The following ZFC3H1 variants were observed in gnomAD, a reference collection of about 807,000 sequenced individuals.
The protein encoded by ZFC3H1 is zinc finger C3H1 domain-containing protein.
ZFC3H1 carries 71 observed loss-of-function variants against 243.7 expected under a neutral mutation model. The ratio of observed to expected loss-of-function variants is 0.29; its 90% CI spans 0.24 to 0.36. The LOEUF (loss-of-function observed/expected upper bound fraction) is 0.36, where lower values mean the gene tolerates loss of function less well. ZFC3H1 is among the 10% of genes least tolerant of loss of function. ZFC3H1 has a pLI of 1.00. For synonymous variants in ZFC3H1, 838 were observed against 813.0 expected (o/e 1.03, Z -0.52); for missense variants, 1,966 against 2,317.1 (o/e 0.85, Z 3.11).
At chr12:71,622,406 C>G (rs1880053446) in intron 24 of ZFC3H1, among the ~76,000 whole-genome samples, 1 of 152,144 alleles carries the variant, frequency 6.6e-6, no homozygotes, top group Admixed American at 6.5e-5. Context: ...TAATCTCTTC[C>G]CTTTGGGTTC....
intron 2 of ZFC3H1, among the ~76,000 whole-genome samples, chr12:71,650,682 T>C (rs1016173055): frequency 4.6e-5 from 7 of 152,160 alleles, no homozygotes; most frequent in Non-Finnish European, 8.8e-5. Flanking sequence ...TAAAATCCAT[T>C]GCAGAAATCC....
intron 8 of ZFC3H1, 25 bp downstream of exon 8, chr12:71,636,825 C>G: frequency 6.2e-7 from 1 of 1,611,430 alleles, no homozygotes. Context: ...AGAGCACCAC[C>G]TAGAGGTTTA....
chr12:71,630,971 G>T lies in ZFC3H1; in HGVS notation c.3471-17C>A. The T allele has an allele frequency of 1.3e-6, 2 of 1,590,082 alleles. No individual in the cohort carries two copies. Among genetic ancestry groups the T allele is most frequent in the South Asian group, 2.3e-5 (2 of 87,472 alleles). ...GGACTAAATCTAAGGTGAAGAGAGT[G>T]AACAGGTATATTATGCCCAACAAAC... is the stretch of plus-strand genomic sequence containing the variant. On this transcript the variant is annotated splice_polypyrimidine_tract_variant and intron_variant, in intron 16 of 34. Coordinates refer to ENST00000378743, the MANE Select transcript of ZFC3H1 (RefSeq NM_144982.5).
chr12:71,640,054 G>A (rs1232968337), intron 6 of ZFC3H1, among the ~76,000 whole-genome samples: 3 of 151,732 alleles, frequency 2.0e-5, no homozygotes, highest in Admixed American at 6.6e-5. Context: ...ACAGAGTGTC[G>A]CTCAGTGCCC....
At chr12:71,615,773 C>T (rs1372347184) in intron 27 of ZFC3H1, among the ~76,000 whole-genome samples, 1 of 152,134 alleles carries the variant, frequency 6.6e-6, no homozygotes, top group Non-Finnish European at 1.5e-5. Flanking sequence ...CTGCCTCAAC[C>T]TCCCAAAGTG....
intron 10 of ZFC3H1, 29 bp downstream of exon 10, chr12:71,635,414 T>G: frequency 6.4e-7 from 1 of 1,552,856 alleles, no homozygotes; most frequent in Non-Finnish European, 8.6e-7. Flanking sequence ...AAGGTCATCT[T>G]TCTTTCCACC....
chr12:71,626,209 TACACACAC>T (rs55719302), intron 22 of ZFC3H1, 43 bp downstream of exon 22: 53 of 1,089,512 alleles, frequency 4.9e-5, no homozygotes, highest in African/African-American at 2.4e-4. Context: ...CAAATAATTA[TACACACAC>T]ACACACACAC....
intron 33 of ZFC3H1, 25 bp from the exon 34 acceptor site, chr12:71,610,782 T>C (rs905317046): frequency 1.4e-5 from 22 of 1,600,184 alleles, no homozygotes; most frequent in Admixed American, 1.7e-5. Context: ...TACACACAAT[T>C]CCATCAGAAA....
At chr12:71,657,382 T>C in intron 1 of ZFC3H1, 81 bp from the exon 2 acceptor site, 3 of 982,726 alleles carry the variant, frequency 3.1e-6, no homozygotes, top group Non-Finnish European at 4.3e-6. Flanking sequence ...TATAGATGAA[T>C]TTTCTCCCTT....
intron 21 of ZFC3H1, 131 bp downstream of exon 21, chr12:71,627,620 T>A (rs914973032): frequency 7.3e-6 from 6 of 822,798 alleles, no homozygotes; most frequent in African/African-American, 1.8e-5. Flanking sequence ...AAAATGCTTT[T>A]GGCTTTGTCA....
chr12:71,657,997 G>GA (rs757049825), intron 1 of ZFC3H1, among the ~76,000 whole-genome samples: 1,906 of 135,052 alleles, frequency 0.014, 15 homozygotes, highest in East Asian at 0.044. Flanking sequence ...TCAAAAAAAA[G>GA]AAAAAAAAAA....
At chr12:71,628,566 T>C (rs1054076736) in intron 20 of ZFC3H1, among the ~76,000 whole-genome samples, 3 of 152,326 alleles carry the variant, frequency 2.0e-5, no homozygotes, top group Admixed American at 6.5e-5. Flanking sequence ...TGAAGTAAAA[T>C]AGAACACCTG....
intron 6 of ZFC3H1, among the ~76,000 whole-genome samples, chr12:71,640,701 G>C (rs1183768008): frequency 6.6e-6 from 1 of 152,158 alleles, no homozygotes; most frequent in Non-Finnish European, 1.5e-5. Context: ...AGCTGGCCAG[G>C]GGCAGCTGCC....
rs748421946 is a variant in ZFC3H1 at position 71,610,408 on chromosome 12, G to C, written c.*20C>G. 6.2e-7 allele frequency: 1 copy of C among 1,610,348 alleles called. No individual in the cohort carries two copies. Among genetic ancestry groups the C allele is most frequent in the Non-Finnish European group, 8.5e-7 (1 of 1,178,308 alleles). On this transcript the variant is annotated 3_prime_UTR_variant, in exon 35 of 35. Coordinates refer to ENST00000378743, the MANE Select transcript of ZFC3H1 (RefSeq NM_144982.5). Reference sequence around the variant, plus strand: ...TTTTGGCAATTATTATAAGGACTTAGAACTGACTGCACCCAGTGTTCAGTG... The same window carrying C: ...TTTTGGCAATTATTATAAGGACTTACAACTGACTGCACCCAGTGTTCAGTG...
Position 71,663,219 on chromosome 12 carries a change from G to A in ZFC3H1, c.392C>T (p.Pro131Leu), listed in dbSNP as rs992158222. Residue 131 changes from proline (P) to leucine (L), a missense_variant, in exon 1 of 35, where the codon CCG becomes CTG. Physicochemically the swap from Pro to Leu is moderately conservative, Grantham distance 98. Coordinates refer to ENST00000378743, the MANE Select transcript of ZFC3H1 (RefSeq NM_144982.5). ...GAGGTGGCTCCGCTCCCAGAAAGAC[G>A]GCCGGGGACTGCTTTCGGACAGTGA... ...SSSLSESSPR[P>L]SFWERSHLAL... is the part of the protein sequence containing the mutation. The A allele has an allele frequency of 1.2e-6, 2 of 1,614,028 alleles. No homozygotes were observed. Among genetic ancestry groups the A allele is most frequent in the African/African-American group, 1.3e-5 (1 of 75,052 alleles).
rs200145489 is a variant in ZFC3H1 at position 71,627,777 on chromosome 12, C to T, written c.4104G>A (p.Ala1368=). The change falls in exon 21 of 35, where the codon GCG becomes GCA. Residue 1368 remains alanine, a synonymous_variant. Transcript: ENST00000378743. ...PSHVQLWLKL[A]YKYLNQNEGE... Reference sequence around the variant, plus strand: ...CCTCATTTTGATTCAAGTACTTGTACGCAAGCTTGAGCCAAAGTTGTACAT... The same window carrying T: ...CCTCATTTTGATTCAAGTACTTGTATGCAAGCTTGAGCCAAAGTTGTACAT... The T allele has an allele frequency of 1.5e-5, 24 of 1,612,792 alleles. No homozygotes were observed. The South Asian group carries it at 1.7e-4, about 11-fold the overall frequency.
Position 71,648,851 on chromosome 12 carries a change from A to G in ZFC3H1, c.1016-1038T>C, listed in dbSNP as rs181689925. On this transcript the variant is annotated intron_variant, in intron 2 of 34. Transcript: ENST00000378743. Reference sequence around the variant, plus strand: ...ATGCCTGCAATCCCAGTGCTTTGGGAGGCCGAGGCGGGTGGATCACCTGAG... The same window carrying G: ...ATGCCTGCAATCCCAGTGCTTTGGGGGGCCGAGGCGGGTGGATCACCTGAG... Among the ~76,000 whole-genome samples the G allele has an allele frequency of 9.1e-3, 1,380 of 152,274 alleles. 8 individuals carry two copies. The highest frequency in any genetic ancestry group is 0.027 in the Middle Eastern group (8 of 294).
At chr12:71,611,348 A>G (rs566710238) in intron 32 of ZFC3H1, 38 of 259,480 alleles carry the variant, frequency 1.5e-4, no homozygotes, top group Middle Eastern at 1.1e-3. Context: ...TTCACAGGAG[A>G]AAAAAAAAAC....
chr12:71,657,674 T>C lies in ZFC3H1; in HGVS notation c.599-373A>G, dbSNP rs185839836. On this transcript the variant is annotated intron_variant, in intron 1 of 34. Transcript: ENST00000378743. The stretch of plus-strand genomic sequence containing the variant: ...AGGAAGAGGGGAGAAACTGAATGCT[T>C]TGTCACAGATGCGGATAGTTTACAC... Among the ~76,000 whole-genome samples, 1,212 of 152,262 alleles carry C rather than the reference T, an allele frequency of 8.0e-3. 10 individuals carry two copies. Among genetic ancestry groups the C allele is most frequent in the Admixed American group, 0.013 (206 of 15,288 alleles).
Sources: gnomAD v4.1 joint callset for allele counts (sites outside exome capture counted in the v4.1 genomes callset) on GRCh38, gnomAD v4.1.1 for gene constraint, MANE v1.5 for transcripts, NCBI Gene and HGNC (gene_info 2026-07-23, HGNC 2026-07-21) for gene names.